CUX2: variants seen among roughly 807,000 people sequenced by gnomAD.
CUX2 encodes the protein homeobox protein cut-like 2.
Under a neutral mutation model 144.8 loss-of-function variants are expected in CUX2, and 40 were observed. The observed-to-expected ratio is 0.28, with a 90% CI of 0.21 to 0.36. The LOEUF is 0.36. Among genes scored for constraint, CUX2 ranks in the 10% least tolerant of loss-of-function variants. The pLI, the probability that CUX2 is intolerant of heterozygous loss-of-function variation, is 1.00. For missense variants in CUX2, 1,615 were observed against 1,994.0 expected (o/e 0.81, Z 3.62); for synonymous variants, 827 against 875.6 (o/e 0.94, Z 0.98).
At position 111,089,348 on chromosome 12, in the gene CUX2, T is replaced by A. The variant is rs1337572434; in HGVS notation, c.63+55108T>A. On this transcript the variant is annotated intron_variant, in intron 1 of 21. Coordinates refer to ENST00000261726, the MANE Select transcript of CUX2 (RefSeq NM_015267.4). ...TTCCCCATCTGAGAAATGGGGGGAG[T>A]AATGGGGATTAAATAGAAAATATGT... Among the ~76,000 whole-genome samples, 4 of 151,804 alleles carry A rather than the reference T, an allele frequency of 2.6e-5. No individual in the cohort carries two copies. The East Asian group carries it at 7.7e-4, about 29-fold the overall frequency.
At chr12:111,193,820 C>G (rs755306902) in intron 1 of CUX2, among the ~76,000 whole-genome samples, 1 of 152,164 alleles carries the variant, frequency 6.6e-6, no homozygotes, top group Non-Finnish European at 1.5e-5. Flanking sequence ...AAAGGGCATG[C>G]GCAGACAGGT....
intron 4 of CUX2, among the ~76,000 whole-genome samples, chr12:111,271,959 A>G (rs1232329061): frequency 1.3e-5 from 2 of 152,208 alleles, no homozygotes; most frequent in African/African-American, 2.4e-5. Context: ...TGTCTATTGT[A>G]TGTAGCAGGT....
intron 3 of CUX2, among the ~76,000 whole-genome samples, chr12:111,239,875 C>T (rs537365456): frequency 6.6e-6 from 1 of 152,220 alleles, no homozygotes; most frequent in East Asian, 1.9e-4. Flanking sequence ...AGGAGACCCC[C>T]CTGCACCTGG....
chr12:111,306,378 T>G (rs1236285552), intron 10 of CUX2, among the ~76,000 whole-genome samples: 2 of 151,478 alleles, frequency 1.3e-5, no homozygotes, highest in Non-Finnish European at 2.9e-5. Context: ...AAGCCTGACA[T>G]CAGCCTGACT....
chr12:111,119,547 T>G (rs1464144484), intron 1 of CUX2, among the ~76,000 whole-genome samples: 3 of 152,196 alleles, frequency 2.0e-5, no homozygotes, highest in African/African-American at 7.2e-5. Flanking sequence ...GGAGTGTCCC[T>G]CTGGCCCCCC....
intron 4 of CUX2, among the ~76,000 whole-genome samples, chr12:111,266,690 A>C (rs1421206695): frequency 1.3e-5 from 2 of 152,216 alleles, no homozygotes; most frequent in Non-Finnish European, 2.9e-5. Flanking sequence ...TATGGTCCCC[A>C]GAACTACAAG....
At chr12:111,311,084 G>A (rs542648404) in intron 15 of CUX2, among the ~76,000 whole-genome samples, 2 of 152,346 alleles carry the variant, frequency 1.3e-5, no homozygotes, top group African/African-American at 4.8e-5. Context: ...CCTCACAAAT[G>A]CCTGAGTTTG....
At chr12:111,040,575 C>T (rs1438612015) in intron 1 of CUX2, among the ~76,000 whole-genome samples, 1 of 152,136 alleles carries the variant, frequency 6.6e-6, no homozygotes, top group Non-Finnish European at 1.5e-5. Flanking sequence ...CGTGACCACT[C>T]AGCCTAAAGA....
intron 1 of CUX2, among the ~76,000 whole-genome samples, chr12:111,187,002 CTCCTGACCTCAAGTGA>C (rs1879580676): frequency 6.6e-6 from 1 of 152,184 alleles, no homozygotes; most frequent in African/African-American, 2.4e-5. Context: ...TGGCTTCAAA[CTCCTGACCTCAAGTGA>C]TCCACCCACC....
At position 111,347,826 on chromosome 12, in the gene CUX2, T is replaced by C. The variant is rs780144763; in HGVS notation, c.3962T>C (p.Leu1321Pro). ...AGSQPQDSGE[L>P]DKGQGPPKEE... ...AGCCAGCCCCAGGACTCAGGGGAGC[T>C]GGACAAAGGCCAAGGTCCCCCCAAA... Residue 1321 changes from leucine to proline, a missense_variant, in exon 22 of 22, where the codon CTG becomes CCG. By Grantham distance (98) the Leu-to-Pro change is moderately conservative. Transcript: ENST00000261726. The C allele has an allele frequency of 6.2e-7, 1 of 1,613,972 alleles. No individual in the cohort carries two copies. The highest frequency in any genetic ancestry group is 8.5e-7 in the Non-Finnish European group (1 of 1,179,962).
intron 3 of CUX2, among the ~76,000 whole-genome samples, chr12:111,257,783 C>T (rs1455068755): frequency 6.6e-6 from 1 of 151,466 alleles, no homozygotes; most frequent in East Asian, 2.0e-4. Flanking sequence ...CCTCCATCCT[C>T]CTCCTCCTCT....
At chr12:111,275,185 C>T (rs1354842785) in intron 4 of CUX2, among the ~76,000 whole-genome samples, 13 of 152,168 alleles carry the variant, frequency 8.5e-5, no homozygotes. Context: ...TGATGTGTGT[C>T]GGACAAAGGC....
intron 18 of CUX2, among the ~76,000 whole-genome samples, chr12:111,325,333 C>T (rs893808307): frequency 6.6e-6 from 1 of 152,010 alleles, no homozygotes; most frequent in Non-Finnish European, 1.5e-5. Context: ...ATGCTAATGA[C>T]CGCTGCCACT....
chr12:111,179,307 A>C (rs931059124), intron 1 of CUX2, among the ~76,000 whole-genome samples: 1 of 152,206 alleles, frequency 6.6e-6, no homozygotes, highest in South Asian at 2.1e-4. Flanking sequence ...TAAGATGGGC[A>C]TAATACCAAC....
intron 1 of CUX2, among the ~76,000 whole-genome samples, chr12:111,088,242 A>G (rs1462599989): frequency 6.6e-6 from 1 of 152,094 alleles, no homozygotes; most frequent in African/African-American, 2.4e-5. Context: ...TCCTGCTGTC[A>G]GTGTTGTAAA....
chr12:111,182,667 T>G (rs566733272), intron 1 of CUX2, among the ~76,000 whole-genome samples: 1 of 152,256 alleles, frequency 6.6e-6, no homozygotes, highest in East Asian at 1.9e-4. Context: ...TCGTTGGGGA[T>G]GGAGAAGGAG....
At chr12:111,095,289 T>A (rs747218335) in intron 1 of CUX2, among the ~76,000 whole-genome samples, 4 of 152,068 alleles carry the variant, frequency 2.6e-5, no homozygotes, top group Admixed American at 6.6e-5. Context: ...TAAAACCCCA[T>A]CTCTACAAAA....
intron 20 of CUX2, among the ~76,000 whole-genome samples, chr12:111,340,826 A>C (rs938606242): frequency 2.0e-5 from 3 of 152,148 alleles, no homozygotes; most frequent in Non-Finnish European, 2.9e-5. Context: ...TTTTTCCACA[A>C]GTTACTTCCT....
At chr12:111,252,557 G>A (rs1883610063) in intron 3 of CUX2, among the ~76,000 whole-genome samples, 1 of 152,124 alleles carries the variant, frequency 6.6e-6, no homozygotes, top group African/African-American at 2.4e-5. Context: ...TACTAGGAGG[G>A]CATCATTCTC....
Sources: gnomAD v4.1 joint callset for allele counts (sites outside exome capture counted in the v4.1 genomes callset) on GRCh38, gnomAD v4.1.1 for gene constraint, MANE v1.5 for transcripts, NCBI Gene and HGNC (gene_info 2026-07-23, HGNC 2026-07-21) for gene names.